The following CSMD2 variants were observed in gnomAD, a reference collection of about 807,000 sequenced individuals.
CSMD2 encodes the protein CUB and Sushi multiple domains 2, also known as CUB and sushi domain-containing protein 2.
Under a neutral mutation model 398.5 loss-of-function variants are expected in CSMD2, and 130 were observed. The ratio of observed to expected loss-of-function variants is 0.33; its 90% CI spans 0.28 to 0.38. CSMD2 has a LOEUF of 0.38. CSMD2 is among the 10% of genes least tolerant of loss of function. The pLI, the probability that CSMD2 is intolerant of heterozygous loss-of-function variation, is 1.00. For synonymous variants in CSMD2, 1,828 were observed against 1,908.5 expected (o/e 0.96, Z 1.10); for missense variants, 3,829 against 4,764.9 (o/e 0.80, Z 5.78).
chr1:33,616,930 T>C lies in CSMD2; in HGVS notation c.5992A>G (p.Asn1998Asp), dbSNP rs1641429516. Residue 1998 changes from asparagine to aspartate, a missense_variant, in exon 39 of 71, where the codon AAC (asparagine) becomes GAC (aspartate). This residue lies in a region of CSMD2 where 2,001 missense variants were observed against 2,567.1 expected (regional missense o/e 0.78). Coordinates refer to ENST00000373381, the MANE Select transcript of CSMD2 (RefSeq NM_001281956.2). ...CCAATACAGAGTGGAGGAGGGTAGTTCCATCGCCGCACTGTTCCGGGCATG... is the reference window on the plus strand; with the variant it reads ...CCAATACAGAGTGGAGGAGGGTAGTCCCATCGCCGCACTGTTCCGGGCATG... The part of the protein sequence containing the change: ...SCMPGTVRRW[N>D]YPPPLCIAQC... 1.2e-6 allele frequency: 2 copies of C among 1,614,040 alleles called. No individual in the cohort carries two copies. Among genetic ancestry groups the C allele is most frequent in the Non-Finnish European group, 1.7e-6 (2 of 1,180,008 alleles).
intron 56 of CSMD2, among the ~76,000 whole-genome samples, chr1:33,549,224 C>T (rs561792981): frequency 6.6e-6 from 1 of 152,244 alleles, no homozygotes; most frequent in African/African-American, 2.4e-5. Context: ...AAGGAGAAGG[C>T]TTCTGTATTA....
intron 44 of CSMD2, 41 bp from the exon 45 acceptor site, chr1:33,587,209 T>C: frequency 7.2e-7 from 1 of 1,388,812 alleles, no homozygotes; most frequent in Non-Finnish European, 1.0e-6. Context: ...AAGATCATCA[T>C]TCTCCAGGTA....
chr1:33,720,429 A>AAGGCTCATTAGAGGAAGGGGATTC (rs1646322514), intron 19 of CSMD2, among the ~76,000 whole-genome samples: 2 of 152,252 alleles, frequency 1.3e-5, no homozygotes, highest in South Asian at 4.1e-4. Context: ...GGGGTCAGGG[A>AAGGCTCATTAGAGGAAGGGGATTC]AGGCTCATTA....
At position 33,657,968 on chromosome 1, in the gene CSMD2, C is replaced by T. The variant is rs1016817978; in HGVS notation, c.4425G>A (p.Gln1475=). 6.2e-7 allele frequency: 1 copy of T among 1,613,680 alleles called. No homozygotes were observed. The highest frequency in any genetic ancestry group is 1.3e-5 in the African/African-American group (1 of 74,884). Residue 1475 remains glutamine, a synonymous_variant, in exon 27 of 71, where the codon CAG becomes CAA. Transcript: ENST00000373381. ...TACCGATGCATGTTGGCGGGCTGGG[C>T]TGCCAGAAGAACCTGTTCTCGATCT... ...CVKIENRFFW[Q]PSPPTCIAPC... is the part of the protein sequence containing the mutation.
intron 5 of CSMD2, among the ~76,000 whole-genome samples, chr1:33,887,212 G>T (rs1023704525): frequency 5.3e-5 from 8 of 149,916 alleles, no homozygotes; most frequent in African/African-American, 2.0e-4. Context: ...TATTCATTCT[G>T]GGAATTGCTC....
intron 3 of CSMD2, among the ~76,000 whole-genome samples, chr1:34,024,322 G>A (rs1419033332): frequency 6.6e-6 from 1 of 152,254 alleles, no homozygotes; most frequent in Admixed American, 6.5e-5. Context: ...CAAGCAGGCA[G>A]CTGCGTGAGA....
chr1:33,825,112 A>G (rs535870203), intron 7 of CSMD2, among the ~76,000 whole-genome samples: 16 of 151,834 alleles, frequency 1.1e-4, no homozygotes, highest in African/African-American at 3.9e-4. Context: ...TAGCAGGAAC[A>G]TGTTCTGAAA....
At chr1:33,744,527 T>C (rs1182472069) in intron 13 of CSMD2, among the ~76,000 whole-genome samples, 1 of 152,044 alleles carries the variant, frequency 6.6e-6, no homozygotes, top group Admixed American at 6.5e-5. Context: ...GCTATTTTCA[T>C]GCCAACTAGT....
Position 33,636,349 on chromosome 1 carries a change from G to T in CSMD2, c.4969+11C>A. ...TTCCTCAGACCCCTGCCATCCCCAG[G>T]CTTCCACCACCTGTGCAGACTGGCC... On this transcript the variant is annotated intron_variant, in intron 30 of 70. Coordinates refer to ENST00000373381, the MANE Select transcript of CSMD2 (RefSeq NM_001281956.2). The surrounding 1 kb of genome is among the most constrained non-coding windows in gnomAD (Gnocchi z 4.8). 6.3e-7 allele frequency: 1 copy of T among 1,585,000 alleles called. No homozygotes were observed. The highest frequency in any genetic ancestry group is 1.3e-5 in the African/African-American group (1 of 74,370).
chr1:33,652,351 C>T lies in CSMD2; in HGVS notation c.4558G>A (p.Asp1520Asn). ...ECDWKVTVSP[D>N]YVIALVFNIF... ...TTAAATACCAGGGCGATGACGTAGT[C>T]TGGTGAGACGGTCACTTTCCAGTCA... The change falls in exon 28 of 71, where the codon GAC (aspartate) becomes AAC (asparagine). Residue 1520 changes from aspartate to asparagine, a missense_variant. Physicochemically the swap from Asp to Asn is conservative, Grantham distance 23. Around this residue, in one of 5 missense-constraint regions of CSMD2, gnomAD observed 2,001 missense variants for 2,567.1 expected, o/e 0.78. Coordinates refer to ENST00000373381, the MANE Select transcript of CSMD2 (RefSeq NM_001281956.2). 1 of 1,614,156 alleles carries T rather than the reference C, an allele frequency of 6.2e-7. No individual in the cohort carries two copies. Among genetic ancestry groups the T allele is most frequent in the Non-Finnish European group, 8.5e-7 (1 of 1,180,014 alleles).
intron 34 of CSMD2, 32 bp downstream of exon 34, chr1:33,625,019 G>A (rs755884854): frequency 6.9e-6 from 11 of 1,604,994 alleles, no homozygotes; most frequent in African/African-American, 1.3e-5. Flanking sequence ...GCCGCCCCCC[G>A]CACCCTCAAC....
intron 1 of CSMD2, among the ~76,000 whole-genome samples, chr1:34,146,985 C>T (rs370175833): frequency 5.3e-5 from 8 of 152,254 alleles, no homozygotes; most frequent in East Asian, 3.9e-4. Flanking sequence ...AGGCCTGGCG[C>T]GGTGGCTCAT....
chr1:34,145,026 TGCCAATTAAGGG>T (rs1639639874), intron 1 of CSMD2, among the ~76,000 whole-genome samples: 2 of 152,214 alleles, frequency 1.3e-5, no homozygotes, highest in African/African-American at 4.8e-5. Context: ...ACCAGAGGCT[TGCCAATTAAGGG>T]ATGGTGGTTC....
rs773952980 is a variant in CSMD2, at chr1:33,600,891, C to T, written c.6830G>A (p.Gly2277Glu). 3.1e-6 allele frequency: 5 copies of T among 1,614,146 alleles called. No homozygotes were observed. The highest frequency in any genetic ancestry group is 4.5e-5 in the East Asian group (2 of 44,880). The change falls in exon 44 of 71, where the codon GGG (glycine) becomes GAG (glutamate). Residue 2277 changes from glycine (G) to glutamate (E), a missense_variant. Transcript: ENST00000373381. ...LLKFHRDAAT[G>E]GIFAIAFSAY... ...GGAGAAAGCTATGGCGAAGATCCCC[C>T]CTGTGGCTGCATCACGGTGGAACTT... is the stretch of plus-strand genomic sequence containing the variant.
chr1:33,603,362 A>G (rs1291282090), intron 42 of CSMD2, among the ~76,000 whole-genome samples: 1 of 152,164 alleles, frequency 6.6e-6, no homozygotes, highest in Non-Finnish European at 1.5e-5. Flanking sequence ...CATGGAGGAA[A>G]ATAGATGGGG....
At chr1:34,117,256 A>C (rs890745945) in intron 1 of CSMD2, among the ~76,000 whole-genome samples, 3 of 152,124 alleles carry the variant, frequency 2.0e-5, no homozygotes, top group East Asian at 3.8e-4. Context: ...TCAAATAAAA[A>C]TCAGAAATGA....
At position 33,848,233 on chromosome 1, in the gene CSMD2, C is replaced by T. The variant is rs1443069439; in HGVS notation, c.921-1237G>A. Among the ~76,000 whole-genome samples the T allele has an allele frequency of 2.0e-5, 3 of 152,332 alleles. No individual in the cohort carries two copies. The East Asian group carries it at 5.8e-4, about 29-fold the overall frequency. ...CTGGCAACTGAGGGACTTGTTACCACTCCCAATCCTGGAGCAGAGAGAAAA... is the reference window on the plus strand; with the variant it reads ...CTGGCAACTGAGGGACTTGTTACCATTCCCAATCCTGGAGCAGAGAGAAAA... On this transcript the variant is annotated intron_variant, in intron 5 of 70. Coordinates refer to ENST00000373381, the MANE Select transcript of CSMD2 (RefSeq NM_001281956.2).
chr1:33,785,134 A>T (rs1653364137), intron 12 of CSMD2, among the ~76,000 whole-genome samples: 1 of 152,230 alleles, frequency 6.6e-6, no homozygotes, highest in African/African-American at 2.4e-5. Context: ...TTCACATAGC[A>T]TATGCTTTAT....
intron 2 of CSMD2, among the ~76,000 whole-genome samples, chr1:34,077,987 C>G (rs1656627482): frequency 6.6e-6 from 1 of 152,052 alleles, no homozygotes; most frequent in African/African-American, 2.4e-5. Flanking sequence ...AAAACTTGTA[C>G]TCATGAAATT....
Sources: gnomAD v4.1 joint callset for allele counts (sites outside exome capture counted in the v4.1 genomes callset) on GRCh38, gnomAD v4.1.1 for gene constraint, gnomAD v4.1.1 regional missense constraint, Gnocchi (gnomAD v3.1) non-coding constraint, MANE v1.5 for transcripts, NCBI Gene and HGNC (gene_info 2026-07-23, HGNC 2026-07-21) for gene names.